Variants in PLCB1 observed in about 807,000 individuals in gnomAD.
The protein encoded by PLCB1 is 1-phosphatidylinositol 4,5-bisphosphate phosphodiesterase beta-1.
Under a neutral mutation model 161.8 loss-of-function variants are expected in PLCB1, and 46 were observed. The observed-to-expected ratio is 0.28, with a 90% confidence interval of 0.22 to 0.36. The LOEUF is 0.36. Among genes scored for constraint, PLCB1 ranks in the 10% least tolerant of loss-of-function variants. The probability of loss-of-function intolerance (pLI) is 1.00; values close to 1 mark genes in which losing one functional copy is unlikely to be tolerated. For missense variants in PLCB1, 1,016 were observed against 1,472.5 expected (o/e 0.69, Z 5.07); for synonymous variants, 517 against 503.7 (o/e 1.03, Z -0.35).
At chr20:8,423,700 TAAATC>T (rs1555805452) in intron 3 of PLCB1, among the ~76,000 whole-genome samples, 1 of 152,188 alleles carries the variant, frequency 6.6e-6, no homozygotes, top group Non-Finnish European at 1.5e-5. Context: ...TTCAGGATAA[TAAATC>T]AAGTAAGATT....
intron 3 of PLCB1, among the ~76,000 whole-genome samples, chr20:8,423,109 T>C (rs1432648247): frequency 6.6e-6 from 1 of 152,182 alleles, no homozygotes; most frequent in Non-Finnish European, 1.5e-5. Context: ...GTTTTATTTT[T>C]TTACAGCACT....
chr20:8,419,490 T>A (rs1337797723), intron 3 of PLCB1, among the ~76,000 whole-genome samples: 3 of 152,198 alleles, frequency 2.0e-5, no homozygotes, highest in Non-Finnish European at 4.4e-5. Context: ...CAAATACCCA[T>A]ACAATGATTC....
Position 8,408,451 on chromosome 20 carries a change from G to C in PLCB1, c.246+37001G>C, listed in dbSNP as rs188697763. ...AAAGGAAAAAAGAAAGAAAAGGAAA[G>C]AAAGAAAGAAAAAGGAAAAATGAAA... On this transcript the variant is annotated intron_variant, in intron 3 of 31. Coordinates refer to ENST00000338037, the MANE Select transcript of PLCB1 (RefSeq NM_015192.4). Among the ~76,000 whole-genome samples the C allele has an allele frequency of 4.1e-4, 61 of 150,304 alleles. 1 individual carries two copies. The highest frequency in any genetic ancestry group is 1.3e-3 in the African/African-American group (52 of 40,828).
intron 2 of PLCB1, among the ~76,000 whole-genome samples, chr20:8,261,582 G>A (rs1465229470): frequency 2.0e-5 from 3 of 152,112 alleles, no homozygotes; most frequent in Admixed American, 2.0e-4. Flanking sequence ...TGGTTGACCA[G>A]GGGATCTGGG....
intron 14 of PLCB1, 79 bp downstream of exon 14, chr20:8,717,927 A>C: frequency 1.6e-4 from 198 of 1,253,730 alleles, no homozygotes; most frequent in Non-Finnish European, 1.9e-4. Flanking sequence ...GTGGTGGCTC[A>C]TGCCTGTAAT....
At chr20:8,578,807 A>G (rs2123072035) in intron 3 of PLCB1, among the ~76,000 whole-genome samples, 1 of 152,356 alleles carries the variant, frequency 6.6e-6, no homozygotes, top group South Asian at 2.1e-4. Context: ...TGAAGCAATA[A>G]TTCAAACTCT....
Position 8,658,685 on chromosome 20 carries a change from C to A in PLCB1, c.843C>A (p.Asn281Lys), listed in dbSNP as rs1222987859. ...TATTGATTGAGAAGTATGAACCCAA[C>A]AACAGCCTCGCCAGAAAAGGTCAGT... is the stretch of plus-strand genomic sequence containing the variant. ...VQVLIEKYEPNNSLARKGQIS... is the reference protein window; with the variant it reads ...VQVLIEKYEPKNSLARKGQIS... The change falls in exon 9 of 32, where the codon AAC (asparagine) becomes AAA (lysine). Residue 281 changes from asparagine (N) to lysine (K), a missense_variant. Physicochemically the swap from Asn to Lys is moderately conservative, Grantham distance 94. Around this residue, in one of 10 missense-constraint regions of PLCB1, gnomAD observed 117 missense variants for 142.2 expected, o/e 0.82. Transcript: ENST00000338037. The A allele has an allele frequency of 6.2e-7, 1 of 1,605,538 alleles. No individual in the cohort carries two copies. Among genetic ancestry groups the A allele is most frequent in the Non-Finnish European group, 8.5e-7 (1 of 1,177,226 alleles).
intron 31 of PLCB1, among the ~76,000 whole-genome samples, chr20:8,818,235 A>G (rs545510303): frequency 2.6e-5 from 4 of 152,344 alleles, no homozygotes; most frequent in South Asian, 2.1e-4. Context: ...AAATATAAGT[A>G]TCATATTTAA....
At chr20:8,256,611 A>T (rs1425058292) in intron 2 of PLCB1, 1 of 152,146 alleles carries the variant, frequency 6.6e-6, no homozygotes, top group East Asian at 1.9e-4. Context: ...CAATTTTTTG[A>T]TGGGAGAAAT....
In PLCB1 at chr20:8,354,170, T is replaced by G. The variant is rs569660762; in HGVS notation, c.178-17212T>G. Reference sequence around the variant, plus strand: ...TCCTGAGATTTATGGTGGTGATGGTTACACAACAATGTGAATGTACCTAAT... The same window carrying G: ...TCCTGAGATTTATGGTGGTGATGGTGACACAACAATGTGAATGTACCTAAT... On this transcript the variant is annotated intron_variant, in intron 2 of 31. Transcript: ENST00000338037. Among the ~76,000 whole-genome samples the G allele has an allele frequency of 2.0e-5, 3 of 152,244 alleles. No individual in the cohort carries two copies. In the South Asian group the frequency reaches 6.2e-4, roughly 32 times the overall value.
At chr20:8,867,920 C>T (rs919922210) in intron 31 of PLCB1, among the ~76,000 whole-genome samples, 1 of 152,112 alleles carries the variant, frequency 6.6e-6, no homozygotes, top group African/African-American at 2.4e-5. Flanking sequence ...GTCCTAGGAA[C>T]AGTGCCTGCC....
chr20:8,137,674 A>T (rs182683792), intron 1 of PLCB1, among the ~76,000 whole-genome samples: 140 of 152,364 alleles, frequency 9.2e-4, no homozygotes, highest in Admixed American at 1.6e-3. Context: ...ATTTTCACAA[A>T]GTGAACATTG....
chr20:8,454,025 G>A (rs75882768), intron 3 of PLCB1, among the ~76,000 whole-genome samples: 2,651 of 152,232 alleles, frequency 0.017, 80 homozygotes, highest in African/African-American at 0.061. Flanking sequence ...GCCATGTGAG[G>A]AGACAGGGGA....
chr20:8,518,020 A>G (rs762978363), intron 3 of PLCB1, among the ~76,000 whole-genome samples: 5 of 152,082 alleles, frequency 3.3e-5, no homozygotes, highest in South Asian at 2.1e-4. Flanking sequence ...CGTCTCTACT[A>G]AAAATACAAA....
intron 11 of PLCB1, 50 bp from the exon 12 acceptor site, chr20:8,708,620 A>G: frequency 1.8e-6 from 2 of 1,095,238 alleles, no homozygotes; most frequent in South Asian, 1.3e-5. Flanking sequence ...TCAAGAATAT[A>G]CAGATGAAAA....
intron 9 of PLCB1, among the ~76,000 whole-genome samples, chr20:8,659,828 T>A (rs761447361): frequency 9.2e-5 from 14 of 151,778 alleles, no homozygotes; most frequent in Non-Finnish European, 2.1e-4. Context: ...CCTGTCTCTA[T>A]TAAAAATACA....
At position 8,438,928 on chromosome 20, in the gene PLCB1, C is replaced by T. The variant is rs7347682; in HGVS notation, c.246+67478C>T. ...CATGACTGGCCTTGCACATGACCTT[C>T]AGTCACTGCCTCTTTGCTCTTTGGT... On this transcript the variant is annotated intron_variant, in intron 3 of 31. Coordinates refer to ENST00000338037, the MANE Select transcript of PLCB1 (RefSeq NM_015192.4). 1.5e-3 allele frequency among the ~76,000 whole-genome samples: 233 copies of T among 152,320 alleles called. 1 individual carries two copies. Among genetic ancestry groups the T allele is most frequent in the African/African-American group, 5.5e-3 (229 of 41,574 alleles).
chr20:8,238,834 G>A (rs34961271), intron 2 of PLCB1, among the ~76,000 whole-genome samples: 6,378 of 150,468 alleles, frequency 0.042, 434 homozygotes, highest in African/African-American at 0.15. Flanking sequence ...GTAATCTTAG[G>A]GATGGTGGAG....
intron 3 of PLCB1, among the ~76,000 whole-genome samples, chr20:8,529,555 C>T (rs1568495066): frequency 2.0e-5 from 3 of 152,058 alleles, no homozygotes; most frequent in South Asian, 2.1e-4. Flanking sequence ...TGTTCAGTCT[C>T]TTAAAAGGGT....
Sources: allele counts gnomAD v4.1 joint callset (sites outside exome capture counted in the v4.1 genomes callset), GRCh38; gene constraint gnomAD v4.1.1; regional missense constraint gnomAD v4.1.1; transcripts MANE v1.5; gene names NCBI Gene and HGNC (gene_info 2026-07-23, HGNC 2026-07-21).